ZNF732: variants seen among roughly 807,000 people sequenced by gnomAD.
ZNF732 encodes the protein zinc finger protein LOC654254.
A neutral mutation model predicts 11.5 loss-of-function variants in ZNF732; 12 were observed. The observed-to-expected ratio is 1.05, with a 90% CI of 0.67 to 1.70. The LOEUF is 1.70. ZNF732 is among the 40% of genes most tolerant of loss of function. The pLI is 0.00. For missense variants in ZNF732, 702 were observed against 676.9 expected (o/e 1.04, Z -0.41); for synonymous variants, 231 against 236.5 (o/e 0.98, Z 0.21).
At chr4:304,804 G>C (rs1720195149) in intron 1 of ZNF732, among the ~76,000 whole-genome samples, 1 of 152,252 alleles carries the variant, frequency 6.6e-6, no homozygotes, top group Non-Finnish European at 1.5e-5. Flanking sequence ...AGTTGGAGCG[G>C]GCGGGTGATT....
chr4:286,508 T>C (rs549486604), intron 3 of ZNF732, among the ~76,000 whole-genome samples: 2 of 152,340 alleles, frequency 1.3e-5, no homozygotes, highest in South Asian at 4.1e-4. Flanking sequence ...TGAGGATACA[T>C]TTTTAAGACT....
At chr4:295,025 A>C (rs1719915035) in intron 3 of ZNF732, among the ~76,000 whole-genome samples, 1 of 152,216 alleles carries the variant, frequency 6.6e-6, no homozygotes, top group Non-Finnish European at 1.5e-5. Context: ...TGTTCTTGGG[A>C]TTTCTGAACC....
intron 3 of ZNF732, among the ~76,000 whole-genome samples, chr4:287,354 AG>A (rs1485098994): frequency 2.3e-4 from 35 of 149,158 alleles, no homozygotes; most frequent in African/African-American, 7.6e-4. Context: ...GGCTGGGATT[AG>A]AGGTGTGTGC....
chr4:277,090 C>T (rs1364337714), intron 3 of ZNF732, among the ~76,000 whole-genome samples: 1 of 151,912 alleles, frequency 6.6e-6, no homozygotes, highest in African/African-American at 2.4e-5. Context: ...AAATTATTTA[C>T]ATGATAATCA....
rs112132883 is a variant in ZNF732 at position 295,483 on chromosome 4, C to T, written c.181G>A (p.Glu61Lys). Residue 61 changes from glutamate (E) to lysine (K), a missense_variant, in exon 3 of 4, where the codon GAG becomes AAG. Glu to Lys is a moderately conservative substitution (Grantham distance 56). Around this residue, in one of 3 missense-constraint regions of ZNF732, gnomAD observed 596 missense variants for 557.9 expected, o/e 1.07. Transcript: ENST00000419098. The stretch of plus-strand genomic sequence containing the variant: ...TCATGTATCTTCACTTTGTAGGGCT[C>T]CTTTCTTTGCTCCAGATAGATGACC... ...DLVIYLEQRKEPYKVKIHETV... is the reference protein window; with the variant it reads ...DLVIYLEQRKKPYKVKIHETV... 83,059 of 1,612,004 alleles carry T rather than the reference C, an allele frequency of 0.052. 2,728 individuals are homozygous for T. The highest frequency in any genetic ancestry group is 0.063 in the Non-Finnish European group (73,698 of 1,178,814).
chr4:273,321 A>G (rs1160596570), intron 3 of ZNF732, among the ~76,000 whole-genome samples: 1 of 152,110 alleles, frequency 6.6e-6, no homozygotes, highest in Non-Finnish European at 1.5e-5. Flanking sequence ...CTATGTCAGG[A>G]GAAAACAACA....
intron 3 of ZNF732, among the ~76,000 whole-genome samples, chr4:283,722 C>T (rs1375648713): frequency 6.6e-6 from 1 of 152,082 alleles, no homozygotes; most frequent in Non-Finnish European, 1.5e-5. Flanking sequence ...AAAACAATTG[C>T]TTGCATAGCA....
rs782238744 is a variant in ZNF732, at chr4:296,038, T to C, written c.121A>G (p.Ile41Val). ...DVMLENYRNL[I>V]SLGVAISNPD... is the part of the protein sequence containing the mutation. ...CTGAAGTTATCCTCACCCAGGGAGA[T>C]CAGGTTCCTGTAGTTCTCCAACATC... is the stretch of plus-strand genomic sequence containing the variant. Residue 41 changes from isoleucine (I) to valine (V), a missense_variant, in exon 2 of 4, where the codon ATC (isoleucine) becomes GTC (valine). Transcript: ENST00000419098. The C allele has an allele frequency of 5.0e-6, 8 of 1,612,614 alleles. No homozygotes were observed. The highest frequency in any genetic ancestry group is 1.1e-5 in the South Asian group (1 of 90,750).
intron 3 of ZNF732, among the ~76,000 whole-genome samples, chr4:280,190 G>A (rs1180934936): frequency 6.6e-6 from 1 of 150,538 alleles, no homozygotes; most frequent in Admixed American, 6.6e-5. Context: ...AGATGTAGAT[G>A]TATCATAAAA....
chr4:283,401 T>C (rs994109643), intron 3 of ZNF732, among the ~76,000 whole-genome samples: 3 of 151,680 alleles, frequency 2.0e-5, no homozygotes, highest in Non-Finnish European at 2.9e-5. Flanking sequence ...AGGAAATACA[T>C]AGGTTAGTGG....
intron 1 of ZNF732, 56 bp from the exon 2 acceptor site, chr4:296,211 G>T: frequency 6.3e-7 from 1 of 1,588,170 alleles, no homozygotes; most frequent in Non-Finnish European, 8.5e-7. Context: ...CAGGTGAAAT[G>T]AGTTAAGAGA....
chr4:280,883 C>A (rs1485233347), intron 3 of ZNF732, among the ~76,000 whole-genome samples: 4 of 152,188 alleles, frequency 2.6e-5, no homozygotes, highest in Admixed American at 2.6e-4. Context: ...TTGGTTCTAT[C>A]TGTGATCTCT....
intron 3 of ZNF732, among the ~76,000 whole-genome samples, chr4:277,744 T>C (rs1553838978): frequency 6.6e-6 from 1 of 152,110 alleles, no homozygotes; most frequent in African/African-American, 2.4e-5. Flanking sequence ...CACTGTTTCT[T>C]TGACTCCCCA....
At chr4:282,165 GAATA>G (rs1719631906) in intron 3 of ZNF732, among the ~76,000 whole-genome samples, 2 of 152,016 alleles carry the variant, frequency 1.3e-5, no homozygotes, top group Non-Finnish European at 2.9e-5. Flanking sequence ...TTAAAAAAGT[GAATA>G]AAGCATATAG....
At chr4:297,796 T>C (rs1719984781) in intron 1 of ZNF732, among the ~76,000 whole-genome samples, 1 of 151,998 alleles carries the variant, frequency 6.6e-6, no homozygotes, top group East Asian at 1.9e-4. Context: ...GCAGTAGGAG[T>C]AGTCACTCCA....
intron 1 of ZNF732, among the ~76,000 whole-genome samples, chr4:299,444 TATATATAC>T (rs1581548986): frequency 3.0e-5 from 1 of 33,880 alleles, no homozygotes; most frequent in East Asian, 7.3e-4. Context: ...TGTATATATA[TATATATAC>T]ACATATGTGT....
chr4:279,988 C>T (rs1009432358), intron 3 of ZNF732, among the ~76,000 whole-genome samples: 15 of 151,948 alleles, frequency 9.9e-5, no homozygotes, highest in African/African-American at 3.6e-4. Flanking sequence ...TAAATTGCTC[C>T]AAGTGAAACC....
At chr4:276,931 G>A (rs2108653003) in intron 3 of ZNF732, among the ~76,000 whole-genome samples, 1 of 150,954 alleles carries the variant, frequency 6.6e-6, no homozygotes, top group East Asian at 1.9e-4. Flanking sequence ...GCTATAATAA[G>A]CAAAACAGCA....
At chr4:276,657 GAA>G (rs1553838725) in intron 3 of ZNF732, among the ~76,000 whole-genome samples, 2 of 151,662 alleles carry the variant, frequency 1.3e-5, no homozygotes, top group East Asian at 3.9e-4. Flanking sequence ...ATTAAAAAGT[GAA>G]AAAGACATGA....
Sources: gnomAD v4.1 joint callset for allele counts (sites outside exome capture counted in the v4.1 genomes callset) on GRCh38, gnomAD v4.1.1 for gene constraint, gnomAD v4.1.1 regional missense constraint, MANE v1.5 for transcripts, NCBI Gene and HGNC (gene_info 2026-07-23, HGNC 2026-07-21) for gene names.